Variants in DHX37 observed in about 807,000 individuals in gnomAD.
The protein encoded by DHX37 is probable ATP-dependent RNA helicase DHX37.
A neutral mutation model predicts 134.3 loss-of-function variants in DHX37; 52 were observed. The observed-to-expected ratio is 0.39, with a 90% confidence interval of 0.31 to 0.49. The LOEUF (loss-of-function observed/expected upper bound fraction) is 0.49, where lower values mean the gene tolerates loss of function less well. Ranked by LOEUF, DHX37 falls within the 20% of genes least tolerant of loss-of-function variation. The pLI is 0.93. For missense variants in DHX37, 1,344 were observed against 1,580.8 expected, an observed-to-expected ratio of 0.85 and a Z score of 2.54; for synonymous variants, 634 against 670.7, an observed-to-expected ratio of 0.95 and a Z score of 0.85.
intron 4 of DHX37, among the ~76,000 whole-genome samples, chr12:124,979,608 C>T (rs181988994): frequency 2.6e-5 from 4 of 152,296 alleles, no homozygotes; most frequent in African/African-American, 7.2e-5. Flanking sequence ...CTTTTAAATA[C>T]AGGCAAACCT....
chr12:124,964,829 G>T, intron 14 of DHX37, 101 bp downstream of exon 14: 1 of 1,447,468 alleles, frequency 6.9e-7, no homozygotes, highest in Non-Finnish European at 9.3e-7. Context: ...TGGGGATGCT[G>T]ATCAAACAGC....
intron 15 of DHX37, 100 bp downstream of exon 15, chr12:124,964,294 A>G: frequency 1.3e-6 from 2 of 1,565,366 alleles, no homozygotes; most frequent in Non-Finnish European, 1.7e-6. Flanking sequence ...GACACGGAAC[A>G]TACTACAGAT....
intron 16 of DHX37, among the ~76,000 whole-genome samples, chr12:124,957,679 T>C (rs550069890): frequency 1.6e-4 from 25 of 152,210 alleles, no homozygotes; most frequent in African/African-American, 6.0e-4. Context: ...CCCAGCTACT[T>C]GGGAGGCTGA....
At chr12:124,977,623 G>C (rs1417877601) in intron 4 of DHX37, 133 bp from the exon 5 acceptor site, 16 of 1,089,374 alleles carry the variant, frequency 1.5e-5, no homozygotes, top group Non-Finnish European at 2.0e-5. Context: ...CTGACAGCTG[G>C]GGAGGGGACC....
chr12:124,989,087 C>T lies in DHX37; in HGVS notation c.-65G>A. On this transcript the variant is annotated 5_prime_UTR_variant, in exon 1 of 27. It adds an upstream start codon to the 5' untranslated region. Transcript: ENST00000308736. ...GCAGAGCAATCCGAAACCCAGCCCA[C>T]GTGGGTTCCCAGACCACCAACTCCG... 1 of 1,130,940 alleles carries T rather than the reference C, an allele frequency of 8.8e-7. No individual in the cohort carries two copies. The highest frequency in any genetic ancestry group is 1.1e-6 in the Non-Finnish European group (1 of 879,482). 70.1% of individuals were successfully genotyped at this position (1,130,940 alleles called of 1,614,324 possible).
At position 124,964,459 on chromosome 12, in the gene DHX37, G is replaced by C. The variant is rs1308489456; in HGVS notation, c.1980C>G (p.Val660=). The change falls in exon 15 of 27, where the codon GTC becomes GTG. Residue 660 remains valine, a synonymous_variant. Transcript: ENST00000308736. ...CTCGCTGGTCAGCTGATGCCTGGGA[G>C]ACCCAGGTGACACGGAAGGAGGATA... The part of the protein sequence containing the change: ...TGVSSFRVTW[V]SQASADQRAG... 6.2e-7 allele frequency: 1 copy of C among 1,614,210 alleles called. No homozygotes were observed. Among genetic ancestry groups the C allele is most frequent in the East Asian group, 2.2e-5 (1 of 44,876 alleles).
chr12:124,957,914 C>T (rs761592803), intron 16 of DHX37, among the ~76,000 whole-genome samples: 33 of 152,160 alleles, frequency 2.2e-4, no homozygotes, highest in Middle Eastern at 6.3e-3. Context: ...ATGATTCAGC[C>T]GCGAATAGGA....
rs780795849 is a variant in DHX37, at chr12:124,953,899, C to A, written c.2676G>T (p.Arg892=). Residue 892 remains arginine, a synonymous_variant, in exon 20 of 27, where the codon CGG becomes CGT. Coordinates refer to ENST00000308736, the MANE Select transcript of DHX37 (RefSeq NM_032656.4). ...YKAMMEIRRL[R]GQLTTAVNAV... is the part of the protein sequence containing the mutation. ...CCGTACCTGCGGTGGTCAGCTGGCC[C>A]CGCAGGCGCCGGATCTCCATCATGG... 1 of 1,611,678 alleles carries A rather than the reference C, an allele frequency of 6.2e-7. No individual in the cohort carries two copies.
At chr12:124,950,924 C>T in intron 21 of DHX37, 120 bp from the exon 22 acceptor site, 1 of 1,365,328 alleles carries the variant, frequency 7.3e-7, no homozygotes, top group East Asian at 2.9e-5. Flanking sequence ...GAGAGTGCTC[C>T]ATCTGCCGGG....
chr12:124,985,718 G>A (rs1470020637), intron 2 of DHX37, among the ~76,000 whole-genome samples: 2 of 139,946 alleles, frequency 1.4e-5, no homozygotes, highest in South Asian at 2.3e-4. Context: ...GGGCAACAGA[G>A]CAAGACTCCA....
Position 124,949,920 on chromosome 12 carries a change from C to A in DHX37, c.3290+66G>T. On this transcript the variant is annotated intron_variant, in intron 25 of 26. Coordinates refer to ENST00000308736, the MANE Select transcript of DHX37 (RefSeq NM_032656.4). This position sits in a 1 kb window ranked among gnomAD's most constrained non-coding sequence, Gnocchi z 4.0. ...GTGTGTGGTGCTTTGTCCTGGCAGC[C>A]CCGGGGAGGTCATTCAGGCCTCGGA... 1.3e-6 allele frequency: 2 copies of A among 1,507,186 alleles called. No individual in the cohort carries two copies. Among genetic ancestry groups the A allele is most frequent in the Non-Finnish European group, 9.0e-7 (1 of 1,108,320 alleles). The allele number at this position is 1,507,186 out of a possible 1,614,324, so 93.4% of individuals were successfully genotyped here. A position where few individuals can be genotyped will look rare whatever the true frequency, so the allele number is the denominator to read the frequency against.
chr12:124,981,072 C>T (rs1178867056), intron 3 of DHX37, among the ~76,000 whole-genome samples: 2 of 152,176 alleles, frequency 1.3e-5, no homozygotes, highest in African/African-American at 4.8e-5. Flanking sequence ...TCTCCCTCCA[C>T]CTCGCTCTTC....
chr12:124,964,300 C>A, intron 15 of DHX37, 94 bp downstream of exon 15: 2 of 1,571,116 alleles, frequency 1.3e-6, no homozygotes, highest in South Asian at 1.1e-5. Context: ...GAACATACTA[C>A]AGATGGAGGT....
chr12:124,971,940 C>T (rs1193255508), intron 7 of DHX37, among the ~76,000 whole-genome samples: 11 of 152,356 alleles, frequency 7.2e-5, no homozygotes, highest in Middle Eastern at 3.4e-3. Flanking sequence ...GCTGGGGTTC[C>T]GATTTACAAA....
At chr12:124,973,837 T>C (rs1264594180) in intron 6 of DHX37, among the ~76,000 whole-genome samples, 1 of 152,114 alleles carries the variant, frequency 6.6e-6, no homozygotes, top group Non-Finnish European at 1.5e-5. Context: ...GAGATGGGTT[T>C]TCTTCATGTT....
intron 2 of DHX37, among the ~76,000 whole-genome samples, chr12:124,984,482 G>A (rs900200528): frequency 6.6e-6 from 1 of 152,040 alleles, no homozygotes; most frequent in Admixed American, 6.6e-5. Flanking sequence ...GCGGTGCGCC[G>A]AGATCATGCC....
rs913879436 is a variant in DHX37, at chr12:124,950,953, C to A, written c.2869-149G>T. On this transcript the variant is annotated intron_variant, in intron 21 of 26. Transcript: ENST00000308736. ...TGCCGGGAAATGCGGCCCATCCACA[C>A]GCTGGAGTCTGATCCAGCCGTGAAA... The A allele has an allele frequency of 7.1e-5, 85 of 1,198,668 alleles. No homozygotes were observed. The African/African-American group carries it at 1.2e-3, about 18-fold the overall frequency. The allele number at this position is 1,198,668 out of a possible 1,614,324, so 74.3% of individuals were successfully genotyped here.
intron 10 of DHX37, among the ~76,000 whole-genome samples, chr12:124,968,036 T>C (rs185018266): frequency 9.2e-5 from 14 of 151,700 alleles, no homozygotes; most frequent in Non-Finnish European, 2.1e-4. Flanking sequence ...AGCCAAGATC[T>C]GCCACTGCAC....
At chr12:124,968,682 G>T (rs770906647) in intron 9 of DHX37, 34 bp from the exon 10 acceptor site, 11 of 1,613,578 alleles carry the variant, frequency 6.8e-6, no homozygotes, top group Non-Finnish European at 9.3e-6. Flanking sequence ...GGGGAGTGGG[G>T]GGGACACGAG....
Sources: gnomAD v4.1 joint callset for allele counts (sites outside exome capture counted in the v4.1 genomes callset) on GRCh38, gnomAD v4.1.1 for gene constraint, Gnocchi (gnomAD v3.1) non-coding constraint, MANE v1.5 for transcripts, NCBI Gene and HGNC (gene_info 2026-07-23, HGNC 2026-07-21) for gene names.